SGCA: variants seen among roughly 807,000 people sequenced by gnomAD.
SGCA encodes sarcoglycan alpha.
A neutral mutation model predicts 38.1 loss-of-function variants in SGCA; 34 were observed. The observed-to-expected ratio is 0.89, with a 90% CI of 0.68 to 1.19. The LOEUF is 1.19. SGCA is among the 50% of genes most tolerant of loss of function. The pLI is 0.00. For missense variants in SGCA, 476 were observed against 524.9 expected, an observed-to-expected ratio of 0.91 and a Z score of 0.91; for synonymous variants, 209 against 214.6, an observed-to-expected ratio of 0.97 and a Z score of 0.23.
At chr17:50,168,273 C>T in intron 4 of SGCA, 101 bp from the exon 5 acceptor site, 3 of 1,037,594 alleles carry the variant, frequency 2.9e-6, no homozygotes, top group African/African-American at 1.6e-5. Flanking sequence ...CATTGAGGGG[C>T]CTGAAGGGGT....
chr17:50,169,279 G>T, intron 6 of SGCA, 25 bp downstream of exon 6: 1 of 1,595,416 alleles, frequency 6.3e-7, no homozygotes, highest in South Asian at 1.1e-5. Context: ...TGGGTCCGGG[G>T]GTGGGGTGGG....
rs926651548 is a variant in SGCA, at chr17:50,167,949, C to G, written c.315C>G (p.Val105=). 3 of 1,614,044 alleles carry G rather than the reference C, an allele frequency of 1.9e-6. No individual in the cohort carries two copies. The highest frequency in any genetic ancestry group is 2.5e-6 in the Non-Finnish European group (3 of 1,179,970). Residue 105 remains valine (V), a splice_region_variant and synonymous_variant, in exon 4 of 10, where the codon GTC becomes GTG. Transcript: ENST00000262018. The surrounding 1 kb of genome is among the most constrained non-coding windows in gnomAD (Gnocchi z 4.5). The part of the protein sequence containing the change: ...PEDRGLQVIE[V]TAYNRDSFDT... ...CAGATGTCTTTCCCATCCCCCAGGT[C>G]ACAGCCTACAATCGGGACAGCTTTG...
Position 50,175,267 on chromosome 17 carries a change from G to A in SGCA, c.994G>A (p.Val332Ile). The A allele has an allele frequency of 1.9e-6, 3 of 1,604,720 alleles. No homozygotes were observed. The highest frequency in any genetic ancestry group is 1.3e-5 in the African/African-American group (1 of 74,980). The change falls in exon 9 of 10, where the codon GTC becomes ATC. Residue 332 changes from valine to isoleucine, a missense_variant. Transcript: ENST00000262018. Reference protein sequence around the residue: ...RDLATSDIQMVHHCTIHGNTE... With the variant: ...RDLATSDIQMIHHCTIHGNTE... ...CACCTGTGCCTCCAGCATCCAGATGGTCCACCACTGCACCATCCACGGGAA... is the reference window on the plus strand; with the variant it reads ...CACCTGTGCCTCCAGCATCCAGATGATCCACCACTGCACCATCCACGGGAA...
Position 50,167,623 on chromosome 17 carries a change from C to T in SGCA, c.199C>T (p.Gln67Ter). 1 of 1,613,878 alleles carries T rather than the reference C, an allele frequency of 6.2e-7. No homozygotes were observed. The highest frequency in any genetic ancestry group is 8.5e-7 in the Non-Finnish European group (1 of 1,180,008). ...AVHITYHAHL[Q>*]GHPDLPRWLR... ...CCACATCACCTACCACGCCCACCTC[C>T]AGGGACACCCAGACCTGCCCCGGTG... The change falls in exon 3 of 10, where the codon CAG becomes TAG. Residue 67 changes from glutamine to a stop codon, truncating the protein, a stop_gained. Transcript: ENST00000262018. LOFTEE classifies it high-confidence loss of function. The surrounding 1 kb of genome is among the most constrained non-coding windows in gnomAD (Gnocchi z 4.5).
intron 1 of SGCA, among the ~76,000 whole-genome samples, chr17:50,166,847 C>T (rs1332690544): frequency 9.4e-6 from 1 of 105,914 alleles, no homozygotes; most frequent in Non-Finnish European, 1.9e-5. Context: ...CACCGTCACA[C>T]ACACCCCCCA....
rs1449474697 is a variant in SGCA at position 50,168,431 on chromosome 17, T to A, written c.443T>A (p.Val148Glu). ...FLVRSHDAEE[V>E]LPSTPASRFL... ...GTGCGCAGCCACGATGCGGAGGAGG[T>A]GCTGCCCTCAACACCTGCCAGCCGC... is the stretch of plus-strand genomic sequence containing the variant. The change falls in exon 5 of 10, where the codon GTG (valine) becomes GAG (glutamate). Residue 148 changes from valine to glutamate, a missense_variant. Coordinates refer to ENST00000262018, the MANE Select transcript of SGCA (RefSeq NM_000023.4). The A allele has an allele frequency of 6.3e-7, 1 of 1,590,606 alleles. No homozygotes were observed. The highest frequency in any genetic ancestry group is 8.6e-7 in the Non-Finnish European group (1 of 1,168,714).
At chr17:50,175,124 C>G (rs1598277426) in intron 8 of SGCA, 133 bp from the exon 9 acceptor site, 2 of 851,652 alleles carry the variant, frequency 2.3e-6, no homozygotes, top group East Asian at 5.3e-5. Flanking sequence ...TGTTTTCTGC[C>G]CCTGCATCAT....
In SGCA at chr17:50,170,650, G is replaced by T; in HGVS notation, c.967G>T (p.Asp323Tyr). ...CCRREGRLKR[D>Y]LATSDIQMVH... ...TTCACTTTTCCACAGGCTGAAGAGA[G>T]ACCTGGCTACCTCCGAGTGAGTAAA... The change falls in exon 8 of 10, where the codon GAC becomes TAC. Residue 323 changes from aspartate to tyrosine, a missense_variant. Transcript: ENST00000262018. 6.4e-7 allele frequency: 1 copy of T among 1,561,688 alleles called. No individual in the cohort carries two copies. The highest frequency in any genetic ancestry group is 1.2e-5 in the South Asian group (1 of 84,898).
chr17:50,174,054 C>T (rs538859796), intron 8 of SGCA, among the ~76,000 whole-genome samples: 22 of 152,284 alleles, frequency 1.4e-4, no homozygotes, highest in African/African-American at 5.3e-4. Flanking sequence ...TGCAGTGGCT[C>T]ATGCCTGTAA....
chr17:50,170,774 G>A (rs1486924463), intron 8 of SGCA, 108 bp downstream of exon 8: 2 of 932,372 alleles, frequency 2.1e-6, no homozygotes, highest in Non-Finnish European at 3.4e-6. Flanking sequence ...TAACTCCAGG[G>A]TGATGCTCAC....
chr17:50,174,297 C>T (rs1029243872), intron 8 of SGCA, among the ~76,000 whole-genome samples: 8 of 151,986 alleles, frequency 5.3e-5, no homozygotes, highest in South Asian at 2.1e-4. Context: ...CTGAAGTTGG[C>T]GACAAAGTGA....
chr17:50,168,000 G>A lies in SGCA; in HGVS notation c.366G>A (p.Leu122=), dbSNP rs147739328. Residue 122 remains leucine (L), a synonymous_variant, in exon 4 of 10, where the codon CTG becomes CTA. Coordinates refer to ENST00000262018, the MANE Select transcript of SGCA (RefSeq NM_000023.4). The surrounding 1 kb of genome is among the most constrained non-coding windows in gnomAD (Gnocchi z 4.5). ...ATACCACTCGGCAGAGGCTGGTGCTGGAGATTGGGGACCCAGAAGGTACCT... is the reference window on the plus strand; with the variant it reads ...ATACCACTCGGCAGAGGCTGGTGCTAGAGATTGGGGACCCAGAAGGTACCT... ...SFDTTRQRLV[L]EIGDPEGPLL... 215 of 1,614,096 alleles carry A rather than the reference G, an allele frequency of 1.3e-4. No homozygotes were observed. In the African/African-American group the frequency reaches 2.4e-3, roughly 18 times the overall value.
chr17:50,169,005 T>G (rs559037337), intron 5 of SGCA, 87 bp from the exon 6 acceptor site: 1 of 1,238,356 alleles, frequency 8.1e-7, no homozygotes, highest in East Asian at 2.3e-5. Flanking sequence ...TAGCCTACAA[T>G]TAGGAAAGTT....
chr17:50,166,193 C>A (rs369733225), intron 1 of SGCA, 116 bp downstream of exon 1: 1 of 858,618 alleles, frequency 1.2e-6, no homozygotes, highest in Middle Eastern at 2.3e-4. Flanking sequence ...GTGAGGCAGG[C>A]GCCAGAAGGG....
chr17:50,170,165 C>T lies in SGCA; in HGVS notation c.770C>T (p.Pro257Leu), dbSNP rs928887312. The T allele has an allele frequency of 6.2e-7, 1 of 1,614,046 alleles. No individual in the cohort carries two copies. The highest frequency in any genetic ancestry group is 1.3e-5 in the African/African-American group (1 of 74,906). The part of the protein sequence containing the change: ...VTLVDKSVPE[P>L]ADEVPTPGDG... ...CAGGTGGATAAGTCAGTGCCGGAGC[C>T]TGCAGATGAGGTGCCCACCCCAGGT... The change falls in exon 7 of 10, where the codon CCT becomes CTT. Residue 257 changes from proline to leucine, a missense_variant. By Grantham distance (98) the Pro-to-Leu change is moderately conservative. Coordinates refer to ENST00000262018, the MANE Select transcript of SGCA (RefSeq NM_000023.4).
At chr17:50,170,715 G>T in intron 8 of SGCA, 49 bp downstream of exon 8, 1 of 1,467,956 alleles carries the variant, frequency 6.8e-7, no homozygotes, top group Non-Finnish European at 9.3e-7. Context: ...CTAGACAGTT[G>T]TTGGACCCCG....
chr17:50,166,759 TCACA>T (rs1211673013), intron 1 of SGCA, among the ~76,000 whole-genome samples: 1 of 37,454 alleles, frequency 2.7e-5, no homozygotes, highest in Non-Finnish European at 4.9e-5. Context: ...TCACACACCC[TCACA>T]CACACACCCT....
rs2293533 is a variant in SGCA, at chr17:50,168,079, G to A, written c.385+60G>A. 4.8e-4 allele frequency: 698 copies of A among 1,466,412 alleles called. 5 individuals carry two copies. The African/African-American group carries it at 7.8e-3, about 16-fold the overall frequency. 90.8% of individuals were successfully genotyped at this position (1,466,412 alleles called of 1,614,324 possible). A position where few individuals can be genotyped will look rare whatever the true frequency, so the allele number is the denominator to read the frequency against. ...ATGCCAGTCTTGGGGAATCTCTCCC[G>A]GAGGGGGAGGGGGCTGTGGACAGGA... On this transcript the variant is annotated intron_variant, in intron 4 of 9. Transcript: ENST00000262018.
At position 50,166,058 on chromosome 17, in the gene SGCA, C is replaced by T. The variant is rs2144488335; in HGVS notation, c.18C>T (p.Phe6=). 1 of 1,613,824 alleles carries T rather than the reference C, an allele frequency of 6.2e-7. No homozygotes were observed. Among genetic ancestry groups the T allele is most frequent in the Non-Finnish European group, 8.5e-7 (1 of 1,179,720 alleles). Residue 6 remains phenylalanine (F), a synonymous_variant, in exon 1 of 10, where the codon TTC becomes TTT. Transcript: ENST00000262018. MAETL[F]WTPLLVVLLA... ...GGGCAGCCATGGCTGAGACACTCTT[C>T]TGGACTCCTCTCCTCGTGGGCAAGT...
Sources: gnomAD v4.1 joint callset for allele counts (sites outside exome capture counted in the v4.1 genomes callset) on GRCh38, gnomAD v4.1.1 for gene constraint, Gnocchi (gnomAD v3.1) non-coding constraint, MANE v1.5 for transcripts, NCBI Gene and HGNC (gene_info 2026-07-23, HGNC 2026-07-21) for gene names.